The following CDC42SE2 variants were observed in gnomAD, a reference collection of about 807,000 sequenced individuals.
CDC42SE2 encodes the protein CDC42 small effector 2, also known as CDC42 small effector protein 2.
In CDC42SE2, 3 loss-of-function variants were observed where a neutral mutation model predicts 11.5. That is an observed-to-expected ratio of 0.26 (90% CI 0.12 to 0.67). The LOEUF (loss-of-function observed/expected upper bound fraction) is 0.67, where lower values mean the gene tolerates loss of function less well. CDC42SE2 is among the 30% of genes least tolerant of loss of function. CDC42SE2 has a pLI of 0.80. For missense variants in CDC42SE2, 82 were observed against 106.8 expected, an observed-to-expected ratio of 0.77 and a Z score of 1.02; for synonymous variants, 33 against 34.8, an observed-to-expected ratio of 0.95 and a Z score of 0.18.
chr5:131,274,377 A>G (rs2149696170), intron 1 of CDC42SE2, among the ~76,000 whole-genome samples: 1 of 152,282 alleles, frequency 6.6e-6, no homozygotes, highest in African/African-American at 2.4e-5. Context: ...TGATTCAAAT[A>G]ATTAGCATGA....
the CDC42SE2 span, among the ~76,000 whole-genome samples, chr5:131,212,783 C>T: frequency 2.0e-5 from 3 of 152,050 alleles, no homozygotes; most frequent in African/African-American, 7.2e-5. Context: ...TTAGTGGGGT[C>T]ATGTTAAAAG....
At chr5:131,374,871 T>C (rs1750107469) in intron 3 of CDC42SE2, among the ~76,000 whole-genome samples, 1 of 152,158 alleles carries the variant, frequency 6.6e-6, no homozygotes, top group Non-Finnish European at 1.5e-5. Context: ...TGGCAAGTAA[T>C]ATCTTCCTAG....
upstream of CDC42SE2, among the ~76,000 whole-genome samples, chr5:131,263,411 T>G (rs973099120): frequency 6.6e-6 from 1 of 152,196 alleles, no homozygotes; most frequent in African/African-American, 2.4e-5. Context: ...GGCACTCATG[T>G]TTCTGATTTC....
rs111577883 is a variant in CDC42SE2, at chr5:131,386,895, A to G, written c.156+1251A>G. On this transcript the variant is annotated intron_variant, in intron 4 of 4. Transcript: ENST00000505065. ...TAACAGGGACTTTAAAAATAGGTAGATGGGTATCCTGGATACAGCAACGAC... is the reference window on the plus strand; with the variant it reads ...TAACAGGGACTTTAAAAATAGGTAGGTGGGTATCCTGGATACAGCAACGAC... Among the ~76,000 whole-genome samples, 625 of 152,342 alleles carry G rather than the reference A, an allele frequency of 4.1e-3. 2 individuals carry two copies. Among genetic ancestry groups the G allele is most frequent in the Non-Finnish European group, 5.9e-3 (399 of 68,032 alleles).
chr5:131,347,073 T>G (rs1190874169), intron 2 of CDC42SE2, among the ~76,000 whole-genome samples: 3 of 151,662 alleles, frequency 2.0e-5, no homozygotes, highest in Admixed American at 6.6e-5. Flanking sequence ...CACCCTAACA[T>G]CACAATTAAA....
chr5:131,337,980 A>C (rs1485493413), intron 2 of CDC42SE2, among the ~76,000 whole-genome samples: 2 of 152,058 alleles, frequency 1.3e-5, no homozygotes, highest in African/African-American at 4.8e-5. Context: ...ACTGTCCGGC[A>C]CTCCCCAGTG....
At chr5:131,347,799 C>G (rs1322317523) in intron 2 of CDC42SE2, among the ~76,000 whole-genome samples, 1 of 152,152 alleles carries the variant, frequency 6.6e-6, no homozygotes, top group African/African-American at 2.4e-5. Flanking sequence ...AGCTTATGTA[C>G]CACGATCAAG....
intron 2 of CDC42SE2, among the ~76,000 whole-genome samples, chr5:131,352,884 C>G (rs1749388049): frequency 6.6e-6 from 1 of 152,176 alleles, no homozygotes; most frequent in African/African-American, 2.4e-5. Context: ...TCCAAAGTTT[C>G]TAGCAAGGGT....
chr5:131,334,867 T>G (rs1385706774), intron 2 of CDC42SE2, among the ~76,000 whole-genome samples: 1 of 152,208 alleles, frequency 6.6e-6, no homozygotes, highest in Non-Finnish European at 1.5e-5. Flanking sequence ...TTCTTCTTTA[T>G]TAGTCTTGCT....
chr5:131,350,167 A>C (rs555860805), intron 2 of CDC42SE2, among the ~76,000 whole-genome samples: 131 of 152,176 alleles, frequency 8.6e-4, no homozygotes, highest in Admixed American at 2.0e-3. Context: ...TATGTAGCAA[A>C]TGAGCAATAA....
intron 2 of CDC42SE2, among the ~76,000 whole-genome samples, chr5:131,322,994 C>T (rs1290466759): frequency 6.6e-6 from 1 of 152,010 alleles, no homozygotes; most frequent in African/African-American, 2.4e-5. Context: ...TCATAGTAGC[C>T]ATCCTAAGGG....
rs1187804835 is a variant in CDC42SE2 at position 131,394,428 on chromosome 5, T to G, written c.*3337T>G. Reference sequence around the variant, plus strand: ...TGGGCCTTTAAAAATACTTCGTAAGTACATTAGCTTTCACTTTGTTGTTAA... The same window carrying G: ...TGGGCCTTTAAAAATACTTCGTAAGGACATTAGCTTTCACTTTGTTGTTAA... On this transcript the variant is annotated 3_prime_UTR_variant, in exon 5 of 5. Coordinates refer to ENST00000505065, the MANE Select transcript of CDC42SE2 (RefSeq NM_001375635.1). The G allele has an allele frequency of 6.6e-6, 1 of 152,392 alleles. No homozygotes were observed. The highest frequency in any genetic ancestry group is 1.5e-5 in the Non-Finnish European group (1 of 68,040). The allele number at this position is 152,392 out of a possible 1,614,324, so 9.4% of individuals were successfully genotyped here.
At chr5:131,225,562 G>A in the CDC42SE2 span, among the ~76,000 whole-genome samples, 11,446 of 152,224 alleles carry the variant, frequency 0.075, 904 homozygotes, top group African/African-American at 0.2. Context: ...TTTGGAAATT[G>A]GCATGAGGAG....
intron 4 of CDC42SE2, among the ~76,000 whole-genome samples, chr5:131,386,443 A>G (rs1486919090): frequency 6.6e-6 from 1 of 152,260 alleles, no homozygotes; most frequent in East Asian, 1.9e-4. Context: ...GTTCTCATGC[A>G]CTAAGCATAG....
At chr5:131,328,643 C>T (rs751906383) in intron 2 of CDC42SE2, among the ~76,000 whole-genome samples, 3 of 152,074 alleles carry the variant, frequency 2.0e-5, no homozygotes, top group Admixed American at 1.3e-4. Flanking sequence ...TCATTCATTC[C>T]AGTAATACTG....
intron 2 of CDC42SE2, among the ~76,000 whole-genome samples, chr5:131,339,997 A>T (rs934649818): frequency 2.6e-5 from 4 of 152,152 alleles, no homozygotes; most frequent in African/African-American, 9.7e-5. Context: ...CACCTATCAC[A>T]AAAAAAGAAT....
chr5:131,235,391 G>A, the CDC42SE2 span, among the ~76,000 whole-genome samples: 26 of 151,418 alleles, frequency 1.7e-4, no homozygotes, highest in East Asian at 4.5e-3. Context: ...CTGGGTTCAA[G>A]TGATTCTCCT....
At chr5:131,286,758 C>T (rs1039073460) in intron 1 of CDC42SE2, among the ~76,000 whole-genome samples, 2 of 151,760 alleles carry the variant, frequency 1.3e-5, no homozygotes, top group African/African-American at 4.8e-5. Flanking sequence ...TTATGATTTT[C>T]TTAACATTTT....
At chr5:131,324,263 A>G (rs1362319220) in intron 2 of CDC42SE2, among the ~76,000 whole-genome samples, 1 of 152,140 alleles carries the variant, frequency 6.6e-6, no homozygotes, top group African/African-American at 2.4e-5. Context: ...CCAGACCTGA[A>G]GGTTCATTAC....
Sources: gnomAD v4.1 joint callset for allele counts (sites outside exome capture counted in the v4.1 genomes callset) on GRCh38, gnomAD v4.1.1 for gene constraint, MANE v1.5 for transcripts, NCBI Gene and HGNC (gene_info 2026-07-23, HGNC 2026-07-21) for gene names.